The following NR1H4 variants were observed in gnomAD, a reference collection of about 807,000 sequenced individuals.
The protein encoded by NR1H4 is nuclear receptor subfamily 1 group H member 4, also known as bile acid receptor.
Under a neutral mutation model 58.5 loss-of-function variants are expected in NR1H4, and 23 were observed. That is an observed-to-expected ratio of 0.39 (90% CI 0.28 to 0.56). NR1H4 has a LOEUF of 0.56. NR1H4 is among the 20% of genes least tolerant of loss of function. The pLI is 0.58. For synonymous variants in NR1H4, 214 were observed against 198.0 expected (o/e 1.08, Z -0.68); for missense variants, 487 against 576.9 (o/e 0.84, Z 1.60).
chr12:100,524,901 C>T (rs1954517760), intron 4 of NR1H4, among the ~76,000 whole-genome samples: 1 of 152,140 alleles, frequency 6.6e-6, no homozygotes, highest in Non-Finnish European at 1.5e-5. Flanking sequence ...CACACCTCTC[C>T]AATCTCTGCA....
At chr12:100,495,296 C>T (rs1953689928) in intron 3 of NR1H4, among the ~76,000 whole-genome samples, 2 of 152,216 alleles carry the variant, frequency 1.3e-5, no homozygotes, top group African/African-American at 4.8e-5. Flanking sequence ...AACTCTTTAT[C>T]TGGTCCCCTC....
rs146801174 is a variant in NR1H4 at position 100,475,665 on chromosome 12, C to T, written c.-190+1606C>T. Among the ~76,000 whole-genome samples the T allele has an allele frequency of 1.7e-3, 260 of 152,324 alleles. 1 individual carries two copies. The highest frequency in any genetic ancestry group is 5.9e-3 in the African/African-American group (247 of 41,570). The stretch of plus-strand genomic sequence containing the variant: ...CTAACTTTTCTACAATGTCTACTAA[C>T]ATGTCCTAGCCTTTACTTCATTCGC... On this transcript the variant is annotated intron_variant, in intron 1 of 10. Coordinates refer to ENST00000392986, the MANE Select transcript of NR1H4 (RefSeq NM_001206979.2).
At chr12:100,511,356 GTATC>G (rs1360166078) in intron 4 of NR1H4, among the ~76,000 whole-genome samples, 1 of 152,174 alleles carries the variant, frequency 6.6e-6, no homozygotes, top group African/African-American at 2.4e-5. Flanking sequence ...GACTGTTAGA[GTATC>G]TAGCTTAGAG....
rs984405029 is a variant in NR1H4, at chr12:100,537,105, A to G, written c.931+58A>G. On this transcript the variant is annotated intron_variant, in intron 8 of 10. Coordinates refer to ENST00000392986, the MANE Select transcript of NR1H4 (RefSeq NM_001206979.2). ...TGAGAGTTTAAATATGTGCCCACAG[A>G]TTAGATTACCTATTTTACATACGGT... The G allele has an allele frequency of 2.0e-5, 20 of 1,015,988 alleles. No homozygotes were observed. In the East Asian group the frequency reaches 4.8e-4, roughly 24 times the overall value. 62.9% of individuals were successfully genotyped at this position (1,015,988 alleles called of 1,614,324 possible).
chr12:100,475,881 G>A (rs574910378), intron 1 of NR1H4, among the ~76,000 whole-genome samples: 4 of 152,032 alleles, frequency 2.6e-5, no homozygotes, highest in African/African-American at 9.7e-5. Context: ...TACTACAGGC[G>A]TGCACCACCA....
intron 9 of NR1H4, among the ~76,000 whole-genome samples, chr12:100,552,603 CTAGTT>C (rs1955227540): frequency 6.6e-6 from 1 of 152,074 alleles, no homozygotes; most frequent in African/African-American, 2.4e-5. Flanking sequence ...CAGAAGGATG[CTAGTT>C]ATTAGAGATG....
chr12:100,535,587 G>T (rs942603631), intron 6 of NR1H4, among the ~76,000 whole-genome samples: 7 of 152,194 alleles, frequency 4.6e-5, no homozygotes, highest in East Asian at 1.9e-4. Flanking sequence ...ATTTTATTTT[G>T]CCATTAGCTG....
At chr12:100,508,592 A>G (rs1004190692) in intron 3 of NR1H4, among the ~76,000 whole-genome samples, 3 of 152,160 alleles carry the variant, frequency 2.0e-5, no homozygotes, top group South Asian at 2.1e-4. Flanking sequence ...TATGTGCCTC[A>G]TGGTACTCAT....
chr12:100,481,635 G>T (rs1321027422), intron 1 of NR1H4, among the ~76,000 whole-genome samples: 1 of 151,928 alleles, frequency 6.6e-6, no homozygotes, highest in East Asian at 1.9e-4. Context: ...ATTAGCTGGG[G>T]CTGGGCACGG....
intron 3 of NR1H4, among the ~76,000 whole-genome samples, chr12:100,504,429 C>T (rs1373087100): frequency 6.6e-6 from 1 of 151,922 alleles, no homozygotes; most frequent in Non-Finnish European, 1.5e-5. Flanking sequence ...GTTGGAAGGC[C>T]GGGGAAGCAA....
intron 10 of NR1H4, among the ~76,000 whole-genome samples, chr12:100,562,297 G>A (rs553774470): frequency 3.9e-5 from 6 of 152,208 alleles, no homozygotes; most frequent in Admixed American, 1.3e-4. Flanking sequence ...CATTCTGGTA[G>A]GATGAGAAAG....
At chr12:100,475,662 T>G in intron 1 of NR1H4, among the ~76,000 whole-genome samples, 1 of 152,218 alleles carries the variant, frequency 6.6e-6, no homozygotes, top group Non-Finnish European at 1.5e-5. Flanking sequence ...CAATGTCTAC[T>G]AACATGTCCT....
intron 5 of NR1H4, among the ~76,000 whole-genome samples, chr12:100,533,890 C>CTTTTTTTTTTTTTTTTTT (rs758465149): frequency 2.8e-5 from 4 of 143,392 alleles, no homozygotes; most frequent in Non-Finnish European, 3.1e-5. Flanking sequence ...TAATAGCTCT[C>CTTTTTTTTTTTTTTTTTT]TTTTTTTTTT....
intron 5 of NR1H4, among the ~76,000 whole-genome samples, chr12:100,534,534 C>T (rs2136234899): frequency 6.6e-6 from 1 of 152,184 alleles, no homozygotes; most frequent in African/African-American, 2.4e-5. Flanking sequence ...TGACTGAATC[C>T]CTTGCATTTG....
intron 8 of NR1H4, among the ~76,000 whole-genome samples, chr12:100,537,452 A>G (rs1005480182): frequency 1.3e-5 from 2 of 152,240 alleles, no homozygotes; most frequent in Non-Finnish European, 2.9e-5. Context: ...AATTGTTGAT[A>G]CCTACTCTAT....
Position 100,515,437 on chromosome 12 carries a change from G to T in NR1H4, c.445+4294G>T, listed in dbSNP as rs34943225. On this transcript the variant is annotated intron_variant, in intron 4 of 10. Transcript: ENST00000392986. ...TCCACCCACCTCAGCCTCCCAAAGT[G>T]CTGGGATTACAGGCATGAGCCACTG... Among the ~76,000 whole-genome samples, 304 of 152,162 alleles carry T rather than the reference G, an allele frequency of 2.0e-3. 1 individual carries two copies. The highest frequency in any genetic ancestry group is 3.6e-3 in the Non-Finnish European group (242 of 68,000).
At chr12:100,553,290 G>A (rs537707464) in intron 9 of NR1H4, among the ~76,000 whole-genome samples, 25 of 152,176 alleles carry the variant, frequency 1.6e-4, no homozygotes, top group East Asian at 3.9e-4. Context: ...GAGTCACTGC[G>A]CCCGGCCGAT....
chr12:100,475,190 G>T (rs1953243059), intron 1 of NR1H4, among the ~76,000 whole-genome samples: 1 of 148,432 alleles, frequency 6.7e-6, no homozygotes, highest in Non-Finnish European at 1.5e-5. Flanking sequence ...AAAAAAGGAA[G>T]GGAGAAGAGA....
chr12:100,553,233 T>C (rs1019183514), intron 9 of NR1H4, among the ~76,000 whole-genome samples: 6 of 152,074 alleles, frequency 3.9e-5, no homozygotes, highest in Non-Finnish European at 7.4e-5. Flanking sequence ...CTCTTGACCT[T>C]GTGATCCGCC....
Sources: gnomAD v4.1 joint callset for allele counts (sites outside exome capture counted in the v4.1 genomes callset) on GRCh38, gnomAD v4.1.1 for gene constraint, MANE v1.5 for transcripts, NCBI Gene and HGNC (gene_info 2026-07-23, HGNC 2026-07-21) for gene names.